Variants in SPATA13 observed in about 807,000 individuals in gnomAD.
SPATA13 encodes spermatogenesis associated 13.
Under a neutral mutation model 104.0 loss-of-function variants are expected in SPATA13, and 50 were observed. That is an observed-to-expected ratio of 0.48 (90% CI 0.38 to 0.61). The LOEUF is 0.61. SPATA13 is among the 20% of genes least tolerant of loss of function. The pLI is 0.00. For synonymous variants in SPATA13, 606 were observed against 667.5 expected (o/e 0.91, Z 1.42); for missense variants, 1,524 against 1,690.6 (o/e 0.90, Z 1.73).
chr13:23,990,311 C>A (rs1316679999), intron 2 of SPATA13, among the ~76,000 whole-genome samples: 3 of 152,208 alleles, frequency 2.0e-5, no homozygotes, highest in Non-Finnish European at 4.4e-5. Context: ...TTGATGGCCA[C>A]CACTCCCCCA....
intron 3 of SPATA13, among the ~76,000 whole-genome samples, chr13:24,019,305 G>A (rs1362441134): frequency 1.3e-5 from 2 of 151,742 alleles, no homozygotes; most frequent in Non-Finnish European, 2.9e-5. Flanking sequence ...AGCCGGGATG[G>A]TCTCGATCTC....
intron 3 of SPATA13, among the ~76,000 whole-genome samples, chr13:24,102,106 T>C (rs1880275978): frequency 1.3e-5 from 2 of 152,226 alleles, no homozygotes; most frequent in South Asian, 4.1e-4. Flanking sequence ...TAACAGCGCG[T>C]AGGGTTCCAA....
chr13:24,189,718 TATATA>T lies in SPATA13; in HGVS notation c.-112+28792_-112+28796del, dbSNP rs1869431596. On this transcript the variant is annotated intron_variant, in intron 1 of 12. Coordinates refer to ENST00000382108, the MANE Select transcript of SPATA13 (RefSeq NM_001166271.3). ...ATATAATATATTATATATAAAAGCA[TATATA>T]ATATATAATATATTATATATAAAAG... is the stretch of plus-strand genomic sequence containing the variant. 7.3e-5 allele frequency among the ~76,000 whole-genome samples: 2 copies of T among 27,432 alleles called. 1 individual carries two copies. Among genetic ancestry groups the T allele is most frequent in the Non-Finnish European group, 2.7e-4 (2 of 7,322 alleles). 18.0% of individuals were successfully genotyped at this position (27,432 alleles called of 152,430 possible). A position where few individuals can be genotyped will look rare whatever the true frequency, so the allele number is the denominator to read the frequency against.
chr13:24,056,087 A>T (rs1215369857), intron 3 of SPATA13, among the ~76,000 whole-genome samples: 1 of 152,250 alleles, frequency 6.6e-6, no homozygotes, highest in African/African-American at 2.4e-5. Flanking sequence ...CTAAAATGGT[A>T]GAGCTCATGG....
intron 2 of SPATA13, among the ~76,000 whole-genome samples, chr13:23,985,999 A>G (rs1875134368): frequency 6.6e-6 from 1 of 152,212 alleles, no homozygotes; most frequent in South Asian, 2.1e-4. Context: ...TCTTCCCTTC[A>G]TGATATCAGC....
Position 24,089,105 on chromosome 13 carries a change from A to G in SPATA13, c.-112+71404A>G, listed in dbSNP as rs1385975431. On this transcript the variant is annotated intron_variant, in intron 3 of 14. Transcript: ENST00000424834. ...GATGAGGACACCAGTGTGTCAGGGG[A>G]CACAACCTTTTAACTAAAAACAGTT... Among the ~76,000 whole-genome samples the G allele has an allele frequency of 3.9e-5, 6 of 152,214 alleles. No homozygotes were observed. The South Asian group carries it at 1.0e-3, about 26-fold the overall frequency.
rs539971859 is a variant in SPATA13, at chr13:24,009,980, C to T, written c.-146-7687C>T. On this transcript the variant is annotated intron_variant, in intron 2 of 14. Coordinates refer to the SPATA13 transcript ENST00000424834. ...ATTTTTGGTTTACAGGCAGTCCTGA[C>T]AACATGTGCACAAGGCAGTTAGGGT... is the stretch of plus-strand genomic sequence containing the variant. Among the ~76,000 whole-genome samples the T allele has an allele frequency of 1.0e-3, 153 of 152,226 alleles. 1 individual carries two copies. Among genetic ancestry groups the T allele is most frequent in the African/African-American group, 3.6e-3 (148 of 41,510 alleles).
At chr13:24,048,602 G>C (rs542219605) in intron 3 of SPATA13, among the ~76,000 whole-genome samples, 33 of 151,670 alleles carry the variant, frequency 2.2e-4, no homozygotes, top group African/African-American at 8.0e-4. Flanking sequence ...CTAAAATTCA[G>C]TTAGGTTCTT....
At chr13:24,112,981 G>A in intron 3 of SPATA13, among the ~76,000 whole-genome samples, 1 of 152,176 alleles carries the variant, frequency 6.6e-6, no homozygotes, top group East Asian at 1.9e-4. Flanking sequence ...GCTACTTACT[G>A]TAATGAGTCA....
At chr13:23,999,080 C>A (rs1209432844) in intron 2 of SPATA13, among the ~76,000 whole-genome samples, 1 of 151,972 alleles carries the variant, frequency 6.6e-6, no homozygotes, top group Non-Finnish European at 1.5e-5. Context: ...CACATGCCAC[C>A]ATTTCAGGCT....
At chr13:24,115,851 G>C (rs1425191852) in intron 3 of SPATA13, among the ~76,000 whole-genome samples, 1 of 152,220 alleles carries the variant, frequency 6.6e-6, no homozygotes, top group African/African-American at 2.4e-5. Context: ...GGTCAGTGCT[G>C]GTGGCTGGCA....
chr13:24,260,662 A>G (rs555151104), intron 4 of SPATA13, among the ~76,000 whole-genome samples: 56 of 152,398 alleles, frequency 3.7e-4, no homozygotes, highest in African/African-American at 1.3e-3. Context: ...AGAAAATTCT[A>G]TCAAATTAGG....
In SPATA13 at chr13:24,095,052, G is replaced by A. The variant is rs1880028057; in HGVS notation, c.-112+77351G>A. On this transcript the variant is annotated intron_variant, in intron 3 of 14. Coordinates refer to the SPATA13 transcript ENST00000424834. The stretch of plus-strand genomic sequence containing the variant: ...CATGTGATCCAGCAATCCCACTTCT[G>A]GGTATCTATGTAAAAGAATGAAAAG... Among the ~76,000 whole-genome samples the A allele has an allele frequency of 2.0e-5, 3 of 152,300 alleles. No individual in the cohort carries two copies. In the South Asian group the frequency reaches 6.2e-4, roughly 32 times the overall value.
At chr13:24,270,801 G>A (rs1593480078) in intron 4 of SPATA13, 17 of 1,612,028 alleles carry the variant, frequency 1.1e-5, no homozygotes, top group South Asian at 5.5e-5. Flanking sequence ...CTTGGGGACC[G>A]GCTCCTCGGT....
chr13:24,285,001 G>A (rs1199624755), intron 5 of SPATA13, among the ~76,000 whole-genome samples: 3 of 152,172 alleles, frequency 2.0e-5, no homozygotes, highest in African/African-American at 4.8e-5. Context: ...CCACCCTGCA[G>A]CTTTAGCTTT....
chr13:24,062,606 G>A lies in SPATA13; in HGVS notation c.-112+44905G>A, dbSNP rs117109007. Among the ~76,000 whole-genome samples the A allele has an allele frequency of 5.9e-5, 9 of 152,224 alleles. No homozygotes were observed. The East Asian group carries it at 1.5e-3, about 26-fold the overall frequency. ...AGCCTCCATCCAGTTCTAATTTTCC[G>A]TTTTCTTATAGAAGTCGGGCTTCGG... is the stretch of plus-strand genomic sequence containing the variant. On this transcript the variant is annotated intron_variant, in intron 3 of 14. Coordinates refer to the SPATA13 transcript ENST00000424834.
chr13:24,191,651 A>G (rs1364820368), intron 1 of SPATA13, among the ~76,000 whole-genome samples: 1 of 151,600 alleles, frequency 6.6e-6, no homozygotes, highest in Non-Finnish European at 1.5e-5. Flanking sequence ...CTGGGACTAC[A>G]GGCGCCCGCC....
At chr13:24,071,591 ACT>A (rs1318472884) in intron 3 of SPATA13, among the ~76,000 whole-genome samples, 1 of 152,212 alleles carries the variant, frequency 6.6e-6, no homozygotes, top group Non-Finnish European at 1.5e-5. Context: ...CTCTGGTCTG[ACT>A]CAGCCCTCTG....
intron 2 of SPATA13, among the ~76,000 whole-genome samples, chr13:23,994,703 C>T (rs1332280181): frequency 1.3e-5 from 2 of 152,044 alleles, no homozygotes; most frequent in African/African-American, 2.4e-5. Context: ...TTTTTTTAAC[C>T]TCTGCAATAT....
Sources: allele counts gnomAD v4.1 joint callset (sites outside exome capture counted in the v4.1 genomes callset), GRCh38; gene constraint gnomAD v4.1.1; transcripts MANE v1.5; gene names NCBI Gene and HGNC (gene_info 2026-07-23, HGNC 2026-07-21).